TENM3: variants seen among roughly 807,000 people sequenced by gnomAD.
TENM3 encodes teneurin transmembrane protein 3.
Under a neutral mutation model 255.1 loss-of-function variants are expected in TENM3, and 63 were observed. That is an observed-to-expected ratio of 0.25 (90% CI 0.20 to 0.30). TENM3 has a LOEUF of 0.30. Ranked by LOEUF, TENM3 falls within the 10% of genes least tolerant of loss-of-function variation. TENM3 has a pLI of 1.00. For missense variants in TENM3, 2,929 were observed against 3,461.1 expected, an observed-to-expected ratio of 0.85 and a Z score of 3.86; for synonymous variants, 1,306 against 1,322.3, an observed-to-expected ratio of 0.99 and a Z score of 0.27.
At chr4:182,447,411 C>T (rs1157839970) in intron 3 of TENM3, among the ~76,000 whole-genome samples, 1 of 152,140 alleles carries the variant, frequency 6.6e-6, no homozygotes, top group South Asian at 2.1e-4. Flanking sequence ...GAGCTGTATT[C>T]ATATTCTTGT....
the TENM3 span, among the ~76,000 whole-genome samples, chr4:181,898,390 A>G: frequency 6.6e-6 from 1 of 152,208 alleles, no homozygotes; most frequent in Middle Eastern, 3.4e-3. Flanking sequence ...CGTCTCTTCT[A>G]TATTTATATC....
chr4:182,492,805 C>T (rs956818483), intron 3 of TENM3, among the ~76,000 whole-genome samples: 1 of 152,032 alleles, frequency 6.6e-6, no homozygotes, highest in Non-Finnish European at 1.5e-5. Context: ...ATTGTTATTT[C>T]TGTTGATACT....
chr4:182,774,843 C>CCTAT, intron 23 of TENM3, 75 bp from the exon 24 acceptor site: 1 of 1,052,894 alleles, frequency 9.5e-7, no homozygotes, highest in Non-Finnish European at 1.4e-6. Context: ...AAATTTAGAA[C>CCTAT]CTATCTCACG....
chr4:181,570,589 AAG>A, the TENM3 span, among the ~76,000 whole-genome samples: 2 of 151,908 alleles, frequency 1.3e-5, no homozygotes, highest in Non-Finnish European at 2.9e-5. Context: ...GAGAAAAAGA[AAG>A]AAAAAGAGAG....
At chr4:181,593,996 T>TG in the TENM3 span, among the ~76,000 whole-genome samples, 1 of 96,988 alleles carries the variant, frequency 1.0e-5, no homozygotes, top group African/African-American at 3.4e-5. Context: ...CTGCAGGAGT[T>TG]TTTTTTTTTT....
chr4:181,833,162 T>C, the TENM3 span, among the ~76,000 whole-genome samples: 3 of 152,144 alleles, frequency 2.0e-5, no homozygotes, highest in Admixed American at 2.0e-4. Flanking sequence ...AAGAATAAAC[T>C]TCCCGACAAC....
chr4:182,097,047 C>T, the TENM3 span, among the ~76,000 whole-genome samples: 1 of 152,010 alleles, frequency 6.6e-6, no homozygotes, highest in Admixed American at 6.6e-5. Flanking sequence ...TTATAGTTAC[C>T]GTACTTATGG....
chr4:182,456,987 A>G (rs1419787341), intron 3 of TENM3, among the ~76,000 whole-genome samples: 1 of 152,152 alleles, frequency 6.6e-6, no homozygotes, highest in Non-Finnish European at 1.5e-5. Flanking sequence ...GTTCAAGACC[A>G]GCCTGGCCAA....
intron 24 of TENM3, among the ~76,000 whole-genome samples, chr4:182,776,911 T>C (rs1030299111): frequency 6.6e-6 from 1 of 152,208 alleles, no homozygotes; most frequent in African/African-American, 2.4e-5. Context: ...CCAGCTGATA[T>C]GTTTGATTGC....
At chr4:182,577,453 C>A (rs531255708) in intron 3 of TENM3, among the ~76,000 whole-genome samples, 17 of 152,154 alleles carry the variant, frequency 1.1e-4, no homozygotes, top group Non-Finnish European at 1.9e-4. Flanking sequence ...TCCTTGGAAT[C>A]AGATTGGATA....
At chr4:181,890,395 A>T in the TENM3 span, among the ~76,000 whole-genome samples, 1 of 152,172 alleles carries the variant, frequency 6.6e-6, no homozygotes, top group Non-Finnish European at 1.5e-5. Context: ...CCTGATGCAG[A>T]AATATTTATA....
chr4:182,442,786 ATG>A (rs750639444), intron 3 of TENM3, among the ~76,000 whole-genome samples: 2,697 of 147,822 alleles, frequency 0.018, 31 homozygotes, highest in African/African-American at 0.031. Flanking sequence ...GTGTGTACAT[ATG>A]TGTGTGTGTG....
At chr4:182,141,006 G>T (rs891727646), upstream of TENM3, among the ~76,000 whole-genome samples, 4 of 65,080 alleles carry the variant, frequency 6.1e-5, no homozygotes, top group East Asian at 2.2e-3. Flanking sequence ...CCGCCCCCCA[G>T]CCCTTTGAGA....
chr4:182,507,229 A>G (rs899378238), intron 3 of TENM3, among the ~76,000 whole-genome samples: 3 of 152,238 alleles, frequency 2.0e-5, no homozygotes, highest in Non-Finnish European at 4.4e-5. Flanking sequence ...ATGAATGCTA[A>G]CATTTTTCTT....
intron 1 of TENM3, among the ~76,000 whole-genome samples, chr4:182,211,839 T>C (rs1486720851): frequency 3.3e-5 from 5 of 152,212 alleles, no homozygotes; most frequent in African/African-American, 1.2e-4. Flanking sequence ...CGTGTGACTT[T>C]GTACAGATTC....
At chr4:181,896,004 T>G in the TENM3 span, among the ~76,000 whole-genome samples, 1 of 152,236 alleles carries the variant, frequency 6.6e-6, no homozygotes, top group Non-Finnish European at 1.5e-5. Flanking sequence ...CTTCCTGACA[T>G]TCCCCCTGCT....
chr4:181,584,006 A>G, the TENM3 span, among the ~76,000 whole-genome samples: 1 of 152,206 alleles, frequency 6.6e-6, no homozygotes, highest in Non-Finnish European at 1.5e-5. Context: ...TAAGATCTGT[A>G]TTCCCAATCT....
intron 1 of TENM3, among the ~76,000 whole-genome samples, chr4:182,192,051 T>A (rs530550410): frequency 1.3e-4 from 20 of 152,294 alleles, no homozygotes; most frequent in African/African-American, 4.8e-4. Flanking sequence ...TTTTTACACT[T>A]TTAAATAGAG....
the TENM3 span, among the ~76,000 whole-genome samples, chr4:182,014,031 T>TATACGTATATAC: frequency 5.6e-3 from 43 of 7,652 alleles, no homozygotes; most frequent in Non-Finnish European, 0.012. Context: ...TATACGTATA[T>TATACGTATATAC]ACACATATAT....
Sources: gnomAD v4.1 joint callset for allele counts (sites outside exome capture counted in the v4.1 genomes callset) on GRCh38, gnomAD v4.1.1 for gene constraint, MANE v1.5 for transcripts, NCBI Gene and HGNC (gene_info 2026-07-23, HGNC 2026-07-21) for gene names.